PDLIM3: variants seen among roughly 807,000 people sequenced by gnomAD.
PDLIM3 encodes PDZ and LIM domain 3.
Under a neutral mutation model 37.3 loss-of-function variants are expected in PDLIM3, and 36 were observed. That is an observed-to-expected ratio of 0.97 (90% confidence interval 0.74 to 1.28). The LOEUF (loss-of-function observed/expected upper bound fraction) is 1.28. Among genes scored for constraint, PDLIM3 ranks in the 50% most tolerant of loss-of-function variants. The probability of loss-of-function intolerance (pLI) is 0.00; values close to 1 mark genes in which losing one functional copy is unlikely to be tolerated. For synonymous variants in PDLIM3, 174 were observed against 182.4 expected, an observed-to-expected ratio of 0.95 and a Z score of 0.37; for missense variants, 454 against 485.0, an observed-to-expected ratio of 0.94 and a Z score of 0.60.
At position 185,507,404 on chromosome 4, in the gene PDLIM3, ATTATT is replaced by A. The variant is rs1343393839; in HGVS notation, c.663-757_663-753del. 1.1e-4 allele frequency among the ~76,000 whole-genome samples: 16 copies of A among 152,298 alleles called. No individual in the cohort carries two copies. In the South Asian group the frequency reaches 2.7e-3, roughly 26 times the overall value. ...AATACTATATGTTAAGCACTACTTT[ATTATT>A]TTATATCATTTTATTGCATTATCTA... On this transcript the variant is annotated intron_variant, in intron 5 of 7. Transcript: ENST00000284767.
At position 185,502,210 on chromosome 4, in the gene PDLIM3, A is replaced by T; in HGVS notation, c.*84T>A. On this transcript the variant is annotated 3_prime_UTR_variant, in exon 8 of 8. Transcript: ENST00000284767. ...TAGATTTGGAGTTGACAATCTGCAC[A>T]ATCCTTCTGCCCAAAGCCATGAATG... 7.3e-7 allele frequency: 1 copy of T among 1,372,422 alleles called. No individual in the cohort carries two copies. The highest frequency in any genetic ancestry group is 1.0e-6 in the Non-Finnish European group (1 of 962,390). 85.0% of individuals were successfully genotyped at this position (1,372,422 alleles called of 1,614,324 possible).
rs1361166538 is a variant in PDLIM3 at position 185,504,666 on chromosome 4, A to C, written c.794-80T>G. Reference sequence around the variant, plus strand: ...GCTTGGCTTCTATTTTAAAGTGTGCACTTTAACCTGAAGTTGCATCTGCAC... The same window carrying C: ...GCTTGGCTTCTATTTTAAAGTGTGCCCTTTAACCTGAAGTTGCATCTGCAC... On this transcript the variant is annotated intron_variant, in intron 6 of 7. Coordinates refer to ENST00000284767, the MANE Select transcript of PDLIM3 (RefSeq NM_014476.6). The surrounding 1 kb of genome is among the most constrained non-coding windows in gnomAD (Gnocchi z 4.7). 6 of 1,128,406 alleles carry C rather than the reference A, an allele frequency of 5.3e-6. No individual in the cohort carries two copies. The highest frequency in any genetic ancestry group is 3.9e-6 in the Non-Finnish European group (3 of 761,106). The allele number at this position is 1,128,406 out of a possible 1,614,324, so 69.9% of individuals were successfully genotyped here.
intron 3 of PDLIM3, among the ~76,000 whole-genome samples, chr4:185,518,653 G>A (rs59936320): frequency 0.07 from 10,659 of 152,034 alleles, 1,237 homozygotes; most frequent in African/African-American, 0.24. Context: ...AAACAGTAAA[G>A]TCACCCTCAT....
chr4:185,511,693 G>T (rs1419021415), intron 4 of PDLIM3, among the ~76,000 whole-genome samples: 1 of 152,094 alleles, frequency 6.6e-6, no homozygotes, highest in African/African-American at 2.4e-5. Context: ...GATTAAAGAA[G>T]TTCATTAACA....
intron 4 of PDLIM3, among the ~76,000 whole-genome samples, chr4:185,509,062 C>T (rs2095702604): frequency 6.6e-6 from 1 of 152,150 alleles, no homozygotes; most frequent in African/African-American, 2.4e-5. Context: ...TATTTGGGCT[C>T]AACATTTCAA....
rs186197475 is a variant in PDLIM3, at chr4:185,514,990, C to T, written c.331-653G>A. 6 of 905,358 alleles carry T rather than the reference C, an allele frequency of 6.6e-6. No individual in the cohort carries two copies. In the African/African-American group the frequency reaches 8.4e-5, roughly 13 times the overall value. The allele number at this position is 905,358 out of a possible 1,614,324, so 56.1% of individuals were successfully genotyped here. A position where few individuals can be genotyped will look rare whatever the true frequency, so the allele number is the denominator to read the frequency against. ...ACTACTGTTAATAAAGGCATCTTTA[C>T]CCACGACGAGATTGACGGAAAGATT... On this transcript the variant is annotated intron_variant, in intron 3 of 7. Coordinates refer to ENST00000284767, the MANE Select transcript of PDLIM3 (RefSeq NM_014476.6). The surrounding 1 kb of genome is among the most constrained non-coding windows in gnomAD (Gnocchi z 4.0).
chr4:185,502,381 T>G lies in PDLIM3; in HGVS notation c.1008A>C (p.Glu336Asp). The change falls in exon 8 of 8, where the codon GAA (glutamate) becomes GAC (aspartate). Residue 336 changes from glutamate to aspartate, a missense_variant. By Grantham distance (45) the Glu-to-Asp change is conservative. Transcript: ENST00000284767. ...NLKQKGYFFI[E>D]GELYCETHAR... ...CGTGGGTTTCGCAGTACAGCTCCCC[T>G]TCTATGAAGAAGTAGCCCTTTTGCT... is the stretch of plus-strand genomic sequence containing the variant. 6.2e-7 allele frequency: 1 copy of G among 1,614,236 alleles called. No individual in the cohort carries two copies. Among genetic ancestry groups the G allele is most frequent in the Non-Finnish European group, 8.5e-7 (1 of 1,180,036 alleles).
chr4:185,503,700 C>T (rs1273082109), intron 7 of PDLIM3, among the ~76,000 whole-genome samples: 1 of 152,220 alleles, frequency 6.6e-6, no homozygotes, highest in Non-Finnish European at 1.5e-5. Flanking sequence ...GTAATCCCAG[C>T]ACTTTGGGAG....
At chr4:185,524,402 T>C (rs1455402583) in intron 2 of PDLIM3, among the ~76,000 whole-genome samples, 2 of 152,222 alleles carry the variant, frequency 1.3e-5, no homozygotes, top group Non-Finnish European at 2.9e-5. Flanking sequence ...AACAAATTAT[T>C]ATTATCATGG....
At chr4:185,531,213 AT>A (rs2095743956) in intron 1 of PDLIM3, among the ~76,000 whole-genome samples, 4 of 152,192 alleles carry the variant, frequency 2.6e-5, no homozygotes, top group African/African-American at 7.2e-5. Flanking sequence ...GAAGCTTCTT[AT>A]AAAAAGAAAA....
At chr4:185,533,290 C>T (rs994834700) in intron 1 of PDLIM3, among the ~76,000 whole-genome samples, 9 of 152,244 alleles carry the variant, frequency 5.9e-5, no homozygotes, top group Middle Eastern at 3.4e-3. Flanking sequence ...TTTAACAATA[C>T]TGATAGTTAT....
intron 4 of PDLIM3, 105 bp from the exon 5 acceptor site, chr4:185,508,667 C>A: frequency 8.9e-7 from 1 of 1,127,516 alleles, no homozygotes; most frequent in Non-Finnish European, 1.3e-6. Flanking sequence ...GAATTGAAGA[C>A]AAAAGTGAGA....
At chr4:185,531,860 G>A (rs1199168968) in intron 1 of PDLIM3, among the ~76,000 whole-genome samples, 2 of 151,576 alleles carry the variant, frequency 1.3e-5, no homozygotes, top group African/African-American at 4.8e-5. Flanking sequence ...AAGCTGAGGT[G>A]GGCGGATCGC....
At chr4:185,518,967 T>C (rs1393012383) in intron 3 of PDLIM3, among the ~76,000 whole-genome samples, 4 of 152,222 alleles carry the variant, frequency 2.6e-5, no homozygotes, top group South Asian at 4.1e-4. Flanking sequence ...ACAGGCACAG[T>C]ATACCTTTGA....
intron 1 of PDLIM3, among the ~76,000 whole-genome samples, chr4:185,532,984 T>A (rs2153340010): frequency 1.3e-5 from 2 of 152,298 alleles, no homozygotes; most frequent in Middle Eastern, 6.8e-3. Context: ...TTTTCACATG[T>A]GGCCTTCAGA....
At chr4:185,531,296 AC>A (rs1469604414) in intron 1 of PDLIM3, among the ~76,000 whole-genome samples, 2 of 152,188 alleles carry the variant, frequency 1.3e-5, no homozygotes, top group Non-Finnish European at 2.9e-5. Context: ...ACGGTGTTTA[AC>A]AACTCCCTCC....
At chr4:185,526,884 C>T (rs11726920) in intron 1 of PDLIM3, among the ~76,000 whole-genome samples, 4 of 152,174 alleles carry the variant, frequency 2.6e-5, no homozygotes, top group Non-Finnish European at 4.4e-5. Flanking sequence ...AGAAAGACTT[C>T]GCCAAACATC....
chr4:185,504,404 A>C lies in PDLIM3; in HGVS notation c.905+71T>G. On this transcript the variant is annotated intron_variant, in intron 7 of 7. Coordinates refer to ENST00000284767, the MANE Select transcript of PDLIM3 (RefSeq NM_014476.6). This position sits in a 1 kb window ranked among gnomAD's most constrained non-coding sequence, Gnocchi z 4.7. ...TTTCACAGTTGCCTTTAGTCTATAA[A>C]GTCTTAAAGGAGAAGAAATGAACTG... is the stretch of plus-strand genomic sequence containing the variant. The C allele has an allele frequency of 7.8e-7, 1 of 1,286,862 alleles. No homozygotes were observed. 79.7% of individuals were successfully genotyped at this position (1,286,862 alleles called of 1,614,324 possible). A position where few individuals can be genotyped will look rare whatever the true frequency, so the allele number is the denominator to read the frequency against.
chr4:185,529,372 T>C (rs1324846457), intron 1 of PDLIM3, among the ~76,000 whole-genome samples: 3 of 152,198 alleles, frequency 2.0e-5, no homozygotes, highest in African/African-American at 7.2e-5. Context: ...AATGTCCTAT[T>C]TATGTGGAGA....
Sources: allele counts gnomAD v4.1 joint callset (sites outside exome capture counted in the v4.1 genomes callset), GRCh38; gene constraint gnomAD v4.1.1; non-coding constraint Gnocchi (gnomAD v3.1); transcripts MANE v1.5; gene names NCBI Gene and HGNC (gene_info 2026-07-23, HGNC 2026-07-21).